PDK2: variants seen among roughly 807,000 people sequenced by gnomAD.
The protein encoded by PDK2 is pyruvate dehydrogenase kinase 2.
PDK2 carries 34 observed loss-of-function variants against 50.4 expected under a neutral mutation model. The observed-to-expected ratio is 0.68, with a 90% CI of 0.51 to 0.90. The LOEUF (loss-of-function observed/expected upper bound fraction) is 0.90, where lower values mean the gene tolerates loss of function less well. Ranked by LOEUF, PDK2 falls within the 40% of genes least tolerant of loss-of-function variation. PDK2 has a pLI of 0.00. For synonymous variants in PDK2, 232 were observed against 216.0 expected, an observed-to-expected ratio of 1.07 and a Z score of -0.65; for missense variants, 377 against 544.5, an observed-to-expected ratio of 0.69 and a Z score of 3.06.
At chr17:50,108,894 C>G (rs762134334) in intron 9 of PDK2, among the ~76,000 whole-genome samples, 175 bp downstream of exon 9, 1 of 152,094 alleles carries the variant, frequency 6.6e-6, no homozygotes, top group Admixed American at 6.5e-5. Context: ...TCTCACCTGT[C>G]GGATGTCTCT....
intron 2 of PDK2, among the ~76,000 whole-genome samples, chr17:50,102,332 G>A (rs913956116): frequency 6.6e-6 from 1 of 152,238 alleles, no homozygotes; most frequent in Non-Finnish European, 1.5e-5. Flanking sequence ...CACTTCAGTG[G>A]CCACGTGACC....
chr17:50,097,164 C>G (rs1054326449), intron 1 of PDK2, among the ~76,000 whole-genome samples: 1 of 152,080 alleles, frequency 6.6e-6, no homozygotes, highest in Non-Finnish European at 1.5e-5. Context: ...CAAATGGGCC[C>G]AGGAGTGGCC....
Position 50,106,806 on chromosome 17 carries a change from A to T in PDK2, c.530A>T (p.Asp177Val). ...MLINQHTLIF[D>V]GSTNPAHPKH... The stretch of plus-strand genomic sequence containing the variant: ...TTCCTGCCTGCAGCCCTCATCTTTG[A>T]TGGCAGCACCAACCCAGCCCATCCC... Residue 177 changes from aspartate to valine, a missense_variant, in exon 5 of 11, where the codon GAT (aspartate) becomes GTT (valine). This residue lies in a region of PDK2 where 63 missense variants were observed against 135.1 expected (regional missense o/e 0.47). Transcript: ENST00000503176. The T allele has an allele frequency of 1.2e-6, 2 of 1,614,068 alleles. No individual in the cohort carries two copies.
rs139504451 is a variant in PDK2, at chr17:50,109,379, C to T, written c.1062C>T (p.Thr354=). 421 of 1,611,262 alleles carry T rather than the reference C, an allele frequency of 2.6e-4. 2 individuals are homozygous for T. The African/African-American group carries it at 3.6e-3, about 14-fold the overall frequency. Residue 354 remains threonine (T), a synonymous_variant, in exon 10 of 11, where the codon ACC becomes ACT. Transcript: ENST00000503176. This position sits in a 1 kb window ranked among gnomAD's most constrained non-coding sequence, Gnocchi z 5.0. ...LQLFSMEGFG[T]DAVIYLKALS... is the part of the protein sequence containing the mutation. ...TCTTCTCCATGGAAGGCTTTGGGAC[C>T]GATGCTGTCATCTATCTCAAGGTGA...
At chr17:50,103,577 A>G (rs1910343538) in intron 2 of PDK2, among the ~76,000 whole-genome samples, 1 of 152,210 alleles carries the variant, frequency 6.6e-6, no homozygotes, top group South Asian at 2.1e-4. Context: ...TTTCCTAATG[A>G]GCAAACTCAG....
intron 1 of PDK2, chr17:50,096,274 C>G (rs551189966): frequency 8.1e-6 from 8 of 985,490 alleles, no homozygotes; most frequent in Admixed American, 1.2e-4. Flanking sequence ...CTTGGCTGCC[C>G]CAGGGCTGCT....
Position 50,095,482 on chromosome 17 carries a change from C to T in PDK2, c.47C>T (p.Ala16Val), listed in dbSNP as rs1474763581. The T allele has an allele frequency of 1.2e-6, 2 of 1,605,868 alleles. No individual in the cohort carries two copies. Among genetic ancestry groups the T allele is most frequent in the Non-Finnish European group, 1.7e-6 (2 of 1,176,550 alleles). ...CTGAAGAATGCGTCCCTGGCAGGGGCGCCCAAGTACATAGAGCACTTCAGC... is the reference window on the plus strand; with the variant it reads ...CTGAAGAATGCGTCCCTGGCAGGGGTGCCCAAGTACATAGAGCACTTCAGC... Reference protein sequence around the residue: ...ALLKNASLAGAPKYIEHFSKF... With the variant: ...ALLKNASLAGVPKYIEHFSKF... Residue 16 changes from alanine to valine, a missense_variant, in exon 1 of 11, where the codon GCG (alanine) becomes GTG (valine). By Grantham distance (64) the Ala-to-Val change is moderately conservative. Coordinates refer to ENST00000503176, the MANE Select transcript of PDK2 (RefSeq NM_002611.5).
chr17:50,106,176 G>C (rs1179161906), intron 4 of PDK2, 107 bp downstream of exon 4: 1 of 1,525,820 alleles, frequency 6.6e-7, no homozygotes, highest in Admixed American at 2.0e-5. Flanking sequence ...ACCCCACAAA[G>C]GGAGTCTTTG....
chr17:50,105,769 A>C (rs1910474494), intron 3 of PDK2, 116 bp from the exon 4 acceptor site: 4 of 1,373,536 alleles, frequency 2.9e-6, no homozygotes, highest in Non-Finnish European at 3.9e-6. Flanking sequence ...CAGGGAGGGC[A>C]CTGGGAGTCC....
In PDK2 at chr17:50,095,461, A is replaced by G; in HGVS notation, c.26A>G (p.Lys9Arg). The part of the protein sequence containing the change: MRWVWALL[K>R]NASLAGAPKY... ...ATGCGCTGGGTGTGGGCGCTGCTGA[A>G]GAATGCGTCCCTGGCAGGGGCGCCC... The change falls in exon 1 of 11, where the codon AAG (lysine) becomes AGG (arginine). Residue 9 changes from lysine to arginine, a missense_variant. Around this residue, in one of 3 missense-constraint regions of PDK2, gnomAD observed 100 missense variants for 115.5 expected, o/e 0.87. Transcript: ENST00000503176. The G allele has an allele frequency of 6.2e-7, 1 of 1,604,760 alleles. No individual in the cohort carries two copies. Among genetic ancestry groups the G allele is most frequent in the Non-Finnish European group, 8.5e-7 (1 of 1,176,204 alleles).
Position 50,097,494 on chromosome 17 carries a change from A to T in PDK2, c.190A>T (p.Ile64Phe). 1 of 1,613,996 alleles carries T rather than the reference A, an allele frequency of 6.2e-7. No homozygotes were observed. The highest frequency in any genetic ancestry group is 8.5e-7 in the Non-Finnish European group (1 of 1,180,000). Residue 64 changes from isoleucine (I) to phenylalanine (F), a missense_variant, in exon 2 of 11, where the codon ATC (isoleucine) becomes TTC (phenylalanine). This residue lies in a region of PDK2 where 100 missense variants were observed against 115.5 expected (regional missense o/e 0.87). Transcript: ENST00000503176. ...RQELPVRLANIMKEINLLPDR... is the reference protein window; with the variant it reads ...RQELPVRLANFMKEINLLPDR... ...GGAGCTGCCTGTGCGCCTGGCCAACATCATGAAAGAGATCAACCTGCTTCC... is the reference window on the plus strand; with the variant it reads ...GGAGCTGCCTGTGCGCCTGGCCAACTTCATGAAAGAGATCAACCTGCTTCC...
Position 50,095,426 on chromosome 17 carries a change from C to G in PDK2, c.-10C>G. 6.3e-7 allele frequency: 1 copy of G among 1,589,874 alleles called. No individual in the cohort carries two copies. Among genetic ancestry groups the G allele is most frequent in the Non-Finnish European group, 8.6e-7 (1 of 1,166,594 alleles). ...CGGGGACCACAACCAAAGTCGCGGC[C>G]GCCGCAGCCATGCGCTGGGTGTGGG... On this transcript the variant is annotated 5_prime_UTR_variant, in exon 1 of 11. Coordinates refer to ENST00000503176, the MANE Select transcript of PDK2 (RefSeq NM_002611.5).
intron 2 of PDK2, among the ~76,000 whole-genome samples, chr17:50,104,807 G>A (rs1049543827): frequency 6.6e-6 from 1 of 152,218 alleles, no homozygotes; most frequent in Non-Finnish European, 1.5e-5. Context: ...GCCGAGGCAG[G>A]TGCCTGGCCC....
intron 1 of PDK2, chr17:50,095,799 G>C (rs1043085863): frequency 6.7e-6 from 9 of 1,340,124 alleles, no homozygotes; most frequent in Non-Finnish European, 8.6e-6. Context: ...GCCTCATGAA[G>C]GGTCTTGAAG....
intron 1 of PDK2, chr17:50,095,801 G>A (rs2269769): frequency 0.12 from 164,203 of 1,326,814 alleles, 12,684 homozygotes; most frequent in East Asian, 0.35. Flanking sequence ...CTCATGAAGG[G>A]TCTTGAAGAG....
At position 50,108,305 on chromosome 17, in the gene PDK2, C is replaced by T; in HGVS notation, c.763-14C>T. 1 of 1,612,600 alleles carries T rather than the reference C, an allele frequency of 6.2e-7. No homozygotes were observed. Among genetic ancestry groups the T allele is most frequent in the Non-Finnish European group, 8.5e-7 (1 of 1,178,926 alleles). The stretch of plus-strand genomic sequence containing the variant: ...GGCTTCTCCCATGCATCTCTTACCT[C>T]TGCCCCTCCGCAGAATGCCATGAGG... On this transcript the variant is annotated splice_polypyrimidine_tract_variant and intron_variant, in intron 7 of 10. Transcript: ENST00000503176.
rs1299314516 is a variant in PDK2 at position 50,101,001 on chromosome 17, C to T, written c.260+3437C>T. 2 of 152,252 alleles carry T rather than the reference C, an allele frequency of 1.3e-5. No homozygotes were observed. Among genetic ancestry groups the T allele is most frequent in the African/African-American group, 4.8e-5 (2 of 41,432 alleles). The allele number at this position is 152,252 out of a possible 1,614,324, so 9.4% of individuals were successfully genotyped here. On this transcript the variant is annotated intron_variant, in intron 2 of 10. Transcript: ENST00000503176. This position sits in a 1 kb window ranked among gnomAD's most constrained non-coding sequence, Gnocchi z 4.2. ...TGTTAGAGACGGAAAGGGACAACCC[C>T]GGCTCCTCTCCAGGCGTGGAGTCTG... is the stretch of plus-strand genomic sequence containing the variant.
chr17:50,100,893 T>C (rs1417003955), intron 2 of PDK2: 1 of 152,306 alleles, frequency 6.6e-6, no homozygotes, highest in Non-Finnish European at 1.5e-5. Flanking sequence ...TGGGCAGTGA[T>C]GTGGAGTCAG....
In PDK2 at chr17:50,106,864, C is replaced by A. The variant is rs761493724; in HGVS notation, c.588C>A (p.Asn196Lys). 2 of 1,614,056 alleles carry A rather than the reference C, an allele frequency of 1.2e-6. No homozygotes were observed. The highest frequency in any genetic ancestry group is 1.7e-6 in the Non-Finnish European group (2 of 1,179,956). ...KHIGSIDPNC[N>K]VSEVVKDAYD... is the part of the protein sequence containing the mutation. ...TCGGCAGCATCGACCCCAACTGCAACGTCTCTGAGGTGGTCAAAGGTGAGC... is the reference window on the plus strand; with the variant it reads ...TCGGCAGCATCGACCCCAACTGCAAAGTCTCTGAGGTGGTCAAAGGTGAGC... The change falls in exon 5 of 11, where the codon AAC (asparagine) becomes AAA (lysine). Residue 196 changes from asparagine (N) to lysine (K), a missense_variant. Around this residue, in one of 3 missense-constraint regions of PDK2, gnomAD observed 214 missense variants for 294.0 expected, o/e 0.73. Coordinates refer to ENST00000503176, the MANE Select transcript of PDK2 (RefSeq NM_002611.5).
Sources: allele counts gnomAD v4.1 joint callset (sites outside exome capture counted in the v4.1 genomes callset), GRCh38; gene constraint gnomAD v4.1.1; regional missense constraint gnomAD v4.1.1; non-coding constraint Gnocchi (gnomAD v3.1); transcripts MANE v1.5; gene names NCBI Gene and HGNC (gene_info 2026-07-23, HGNC 2026-07-21).